Variants in DNER observed in about 807,000 individuals in gnomAD.
The protein encoded by DNER is delta and Notch-like epidermal growth factor-related receptor.
In DNER, 33 loss-of-function variants were observed where a neutral mutation model predicts 78.2. The ratio of observed to expected loss-of-function variants is 0.42; its 90% CI spans 0.32 to 0.56. DNER has a LOEUF of 0.56. DNER is among the 20% of genes least tolerant of loss of function. The pLI, the probability that DNER is intolerant of heterozygous loss-of-function variation, is 0.11. For missense variants in DNER, 918 were observed against 975.3 expected (o/e 0.94, Z 0.78); for synonymous variants, 417 against 384.8 (o/e 1.08, Z -0.98).
chr2:229,524,474 T>C (rs1422985462), intron 5 of DNER, among the ~76,000 whole-genome samples: 1 of 152,226 alleles, frequency 6.6e-6, no homozygotes, highest in Non-Finnish European at 1.5e-5. Context: ...AGTGCAGACA[T>C]GAATACAATT....
At position 229,670,575 on chromosome 2, in the gene DNER, C is replaced by A. The variant is rs78429599; in HGVS notation, c.276+43573G>T. On this transcript the variant is annotated intron_variant, in intron 1 of 12. Coordinates refer to ENST00000341772, the MANE Select transcript of DNER (RefSeq NM_139072.4). The stretch of plus-strand genomic sequence containing the variant: ...GAAGATGATGTTATTGCATTAGCCA[C>A]TCACATCTAAATAAACAGGAGGCAA... 1.2e-4 allele frequency among the ~76,000 whole-genome samples: 18 copies of A among 152,318 alleles called. 1 individual carries two copies. In the East Asian group the frequency reaches 3.5e-3, roughly 29 times the overall value.
intron 6 of DNER, among the ~76,000 whole-genome samples, chr2:229,506,151 A>G (rs1695740483): frequency 6.7e-6 from 1 of 150,110 alleles, no homozygotes; most frequent in Non-Finnish European, 1.5e-5. Flanking sequence ...GGTAATTTAT[A>G]AAGGAAAGAG....
chr2:229,416,862 G>A (rs530602749), intron 9 of DNER, among the ~76,000 whole-genome samples: 31 of 152,296 alleles, frequency 2.0e-4, no homozygotes, highest in African/African-American at 7.5e-4. Flanking sequence ...GAATGTCAAT[G>A]TGAGCTGCCA....
Position 229,366,886 on chromosome 2 carries a change from T to G in DNER, c.2089A>C (p.Ile697Leu). ...CCCACAGCCAACCTGGCATGCCGGA[T>G]GGATGCAATGGCATTGCTGAACTCG... Reference protein sequence around the residue: ...DSEFSNAIASIRHARFGKKSR... With the variant: ...DSEFSNAIASLRHARFGKKSR... The change falls in exon 12 of 13, where the codon ATC (isoleucine) becomes CTC (leucine). Residue 697 changes from isoleucine to leucine, a missense_variant. Coordinates refer to ENST00000341772, the MANE Select transcript of DNER (RefSeq NM_139072.4). The G allele has an allele frequency of 1.9e-6, 3 of 1,614,142 alleles. No homozygotes were observed. Among genetic ancestry groups the G allele is most frequent in the Non-Finnish European group, 1.7e-6 (2 of 1,180,014 alleles).
chr2:229,576,581 G>T (rs1374231218), intron 4 of DNER, among the ~76,000 whole-genome samples: 1 of 152,096 alleles, frequency 6.6e-6, no homozygotes, highest in Non-Finnish European at 1.5e-5. Flanking sequence ...GCTATGGCAT[G>T]GTCCAATCTC....
At chr2:229,434,437 C>A (rs77926708) in intron 8 of DNER, among the ~76,000 whole-genome samples, 3,281 of 152,258 alleles carry the variant, frequency 0.022, 43 homozygotes, top group Middle Eastern at 0.054. Flanking sequence ...AGGACTTCAG[C>A]TAAAGAATTT....
chr2:229,710,260 T>G (rs1295499853), intron 1 of DNER, among the ~76,000 whole-genome samples: 1 of 152,208 alleles, frequency 6.6e-6, no homozygotes, highest in Non-Finnish European at 1.5e-5. Context: ...ATCCCCTTTT[T>G]AATGATAAAA....
intron 4 of DNER, among the ~76,000 whole-genome samples, chr2:229,563,641 A>G (rs1697020234): frequency 6.8e-6 from 1 of 146,932 alleles, no homozygotes; most frequent in African/African-American, 2.6e-5. Flanking sequence ...CAACATCATC[A>G]ACATCATCAT....
intron 7 of DNER, among the ~76,000 whole-genome samples, chr2:229,476,420 C>T (rs761984709): frequency 5.9e-5 from 9 of 152,160 alleles, no homozygotes; most frequent in Non-Finnish European, 1.2e-4. Context: ...CTTAGGTTCT[C>T]AGGCTCTACA....
chr2:229,399,749 A>T (rs2106340952), intron 10 of DNER, among the ~76,000 whole-genome samples: 1 of 152,200 alleles, frequency 6.6e-6, no homozygotes, highest in Non-Finnish European at 1.5e-5. Flanking sequence ...TTTTTGACGA[A>T]AGTTCAAAAG....
At chr2:229,555,592 C>A (rs945657651) in intron 4 of DNER, among the ~76,000 whole-genome samples, 1 of 152,160 alleles carries the variant, frequency 6.6e-6, no homozygotes, top group Non-Finnish European at 1.5e-5. Flanking sequence ...GCTTCTTATA[C>A]CACCTTTACT....
In DNER at chr2:229,714,529, C is replaced by A. The variant is rs1198776636; in HGVS notation, c.-106G>T. 9.6e-7 allele frequency: 1 copy of A among 1,045,904 alleles called. No homozygotes were observed. Among genetic ancestry groups the A allele is most frequent in the East Asian group, 8.0e-5 (1 of 12,482 alleles). 64.8% of individuals were successfully genotyped at this position (1,045,904 alleles called of 1,614,324 possible). ...AGCGACGGTGGCGGCTAGGGCTGCT[C>A]CGCCGGGCCGGGCGCCTCCTGCAGC... On this transcript the variant is annotated 5_prime_UTR_variant, in exon 1 of 13. Transcript: ENST00000341772.
At chr2:229,644,785 T>A (rs540205268) in intron 1 of DNER, among the ~76,000 whole-genome samples, 1 of 152,138 alleles carries the variant, frequency 6.6e-6, no homozygotes, top group Non-Finnish European at 1.5e-5. Context: ...TACAGAGATG[T>A]TTATGCTGAA....
At chr2:229,500,729 G>A (rs761836026) in intron 6 of DNER, among the ~76,000 whole-genome samples, 55 of 151,690 alleles carry the variant, frequency 3.6e-4, no homozygotes, top group East Asian at 9.7e-4. Flanking sequence ...CATAGGTTTC[G>A]GGGGAACAGA....
At chr2:229,600,024 A>G (rs1329845856) in intron 1 of DNER, among the ~76,000 whole-genome samples, 1 of 152,210 alleles carries the variant, frequency 6.6e-6, no homozygotes, top group Non-Finnish European at 1.5e-5. Flanking sequence ...CTTTTAAAAC[A>G]CAGATTCCCC....
At chr2:229,454,755 C>T (rs555696647) in intron 7 of DNER, among the ~76,000 whole-genome samples, 1 of 151,780 alleles carries the variant, frequency 6.6e-6, no homozygotes, top group Admixed American at 6.6e-5. Context: ...TTTTTCTTAC[C>T]AATTCAAGAA....
intron 5 of DNER, among the ~76,000 whole-genome samples, chr2:229,541,904 AT>A (rs1424094485): frequency 6.8e-6 from 1 of 147,006 alleles, no homozygotes; most frequent in Non-Finnish European, 1.5e-5. Context: ...TATAAATTAT[AT>A]TTATATTTAT....
intron 4 of DNER, among the ~76,000 whole-genome samples, chr2:229,582,166 G>A (rs1024831984): frequency 2.6e-5 from 4 of 152,232 alleles, no homozygotes; most frequent in African/African-American, 9.6e-5. Flanking sequence ...ACGTATTTGT[G>A]TCTGGAGAGT....
In DNER at chr2:229,633,662, C is replaced by G. The variant is rs994888410; in HGVS notation, c.277-41774G>C. ...GCAGGCTGGAACAGAAAGCATAGCT[C>G]CTTGCAAGCCTGGGTGAGCATGCCT... On this transcript the variant is annotated intron_variant, in intron 1 of 12. Coordinates refer to ENST00000341772, the MANE Select transcript of DNER (RefSeq NM_139072.4). Among the ~76,000 whole-genome samples, 6 of 152,210 alleles carry G rather than the reference C, an allele frequency of 3.9e-5. No homozygotes were observed. In the South Asian group the frequency reaches 8.3e-4, roughly 21 times the overall value.
Sources: gnomAD v4.1 joint callset for allele counts (sites outside exome capture counted in the v4.1 genomes callset) on GRCh38, gnomAD v4.1.1 for gene constraint, MANE v1.5 for transcripts, NCBI Gene and HGNC (gene_info 2026-07-23, HGNC 2026-07-21) for gene names.